Variants in PLXNA4 observed in about 807,000 individuals in gnomAD.
PLXNA4 encodes the protein plexin-A4.
In PLXNA4, 44 loss-of-function variants were observed where a neutral mutation model predicts 191.8. That is an observed-to-expected ratio of 0.23 (90% CI 0.18 to 0.29). The LOEUF is 0.29. Ranked by LOEUF, PLXNA4 falls within the 10% of genes least tolerant of loss-of-function variation. The pLI, the probability that PLXNA4 is intolerant of heterozygous loss-of-function variation, is 1.00. For missense variants in PLXNA4, 1,800 were observed against 2,488.8 expected (o/e 0.72, Z 5.89); for synonymous variants, 1,082 against 1,009.5 (o/e 1.07, Z -1.36).
intron 9 of PLXNA4, among the ~76,000 whole-genome samples, chr7:132,217,957 G>A (rs969816791): frequency 7.1e-6 from 1 of 141,680 alleles, no homozygotes; most frequent in African/African-American, 2.7e-5. Context: ...TGGCAGGGGT[G>A]GTTTGGTTCC....
At chr7:132,413,831 T>C (rs531701484) in intron 3 of PLXNA4, among the ~76,000 whole-genome samples, 1 of 152,140 alleles carries the variant, frequency 6.6e-6, no homozygotes, top group Non-Finnish European at 1.5e-5. Flanking sequence ...ATGACCACTA[T>C]ACACTCCTCA....
intron 12 of PLXNA4, among the ~76,000 whole-genome samples, chr7:132,201,360 C>T (rs1187059193): frequency 6.6e-6 from 1 of 152,142 alleles, no homozygotes; most frequent in East Asian, 1.9e-4. Flanking sequence ...GTTGTTTGGA[C>T]TGACAAGGTA....
rs79888730 is a variant in PLXNA4, at chr7:132,520,975, C to G, written c.-86-12196G>C. Among the ~76,000 whole-genome samples, 1,107 of 152,174 alleles carry G rather than the reference C, an allele frequency of 7.3e-3. 5 individuals carry two copies. The highest frequency in any genetic ancestry group is 0.041 in the Middle Eastern group (12 of 294). On this transcript the variant is annotated intron_variant, in intron 1 of 31. Coordinates refer to ENST00000321063, the MANE Select transcript of PLXNA4 (RefSeq NM_020911.2). The stretch of plus-strand genomic sequence containing the variant: ...CCAGGCCCCTTTTGTCCCTCTACCC[C>G]CTCTCTTCTTTCTCAATTCCCCGAA...
chr7:132,195,310 G>A (rs940686970), intron 13 of PLXNA4, among the ~76,000 whole-genome samples: 7 of 151,986 alleles, frequency 4.6e-5, no homozygotes, highest in African/African-American at 1.5e-4. Flanking sequence ...CTTTTCAGCA[G>A]CCTCACAGTA....
intron 3 of PLXNA4, among the ~76,000 whole-genome samples, chr7:132,407,737 GC>G (rs1794282430): frequency 6.6e-6 from 1 of 152,226 alleles, no homozygotes; most frequent in South Asian, 2.1e-4. Context: ...TGGATGCAGG[GC>G]TTTGTTGAAT....
intron 1 of PLXNA4, among the ~76,000 whole-genome samples, chr7:132,557,655 T>C (rs555280681): frequency 4.3e-4 from 66 of 152,262 alleles, no homozygotes; most frequent in Middle Eastern, 6.8e-3. Context: ...AAAGATGTTA[T>C]CTGCAGCTCC....
At chr7:132,212,754 C>G (rs1797844124) in intron 9 of PLXNA4, among the ~76,000 whole-genome samples, 1 of 152,130 alleles carries the variant, frequency 6.6e-6, no homozygotes, top group Non-Finnish European at 1.5e-5. Context: ...GACCATGGTC[C>G]ACAGATGGAC....
chr7:132,194,966 T>C (rs1361702918), intron 13 of PLXNA4, among the ~76,000 whole-genome samples: 1 of 151,914 alleles, frequency 6.6e-6, no homozygotes, highest in Non-Finnish European at 1.5e-5. Flanking sequence ...TATATATGTA[T>C]ATGTATTCTT....
chr7:132,147,781 G>T, intron 27 of PLXNA4, 119 bp downstream of exon 27: 1 of 1,360,708 alleles, frequency 7.3e-7, no homozygotes, highest in Admixed American at 2.1e-5. Context: ...CCGATGGTCA[G>T]CCTGTCTGAT....
chr7:132,449,154 T>C (rs2114278), intron 3 of PLXNA4, among the ~76,000 whole-genome samples: 111,357 of 152,204 alleles, frequency 0.73, 44,990 homozygotes, highest in Non-Finnish European at 0.91. Flanking sequence ...GGCATACACA[T>C]GACCTTATAA....
chr7:132,394,995 C>T (rs991145753), intron 3 of PLXNA4, among the ~76,000 whole-genome samples: 2 of 152,256 alleles, frequency 1.3e-5, no homozygotes, highest in African/African-American at 4.8e-5. Context: ...TGTAGTCCTG[C>T]CTTTCCGGGG....
chr7:132,171,480 G>T (rs978152730), intron 21 of PLXNA4, among the ~76,000 whole-genome samples: 2 of 152,176 alleles, frequency 1.3e-5, no homozygotes, highest in Non-Finnish European at 2.9e-5. Flanking sequence ...AAGCCTTCCC[G>T]TGCAGGGCCT....
intron 1 of PLXNA4, among the ~76,000 whole-genome samples, chr7:132,527,350 G>A (rs1799438603): frequency 2.0e-5 from 3 of 151,984 alleles, no homozygotes. Context: ...CCTCTCAGGA[G>A]CTACTCTCCC....
chr7:132,385,403 T>A, intron 3 of PLXNA4: 2 of 1,383,060 alleles, frequency 1.4e-6, no homozygotes, highest in Non-Finnish European at 1.9e-6. Flanking sequence ...TGTATTACAG[T>A]TCTGAAATAC....
intron 3 of PLXNA4, among the ~76,000 whole-genome samples, chr7:132,449,403 T>C (rs536166000): frequency 3.9e-5 from 6 of 152,318 alleles, no homozygotes; most frequent in African/African-American, 1.4e-4. Flanking sequence ...TGCCACCATG[T>C]CCACATTCAG....
At chr7:132,237,424 C>T (rs952875109) in intron 5 of PLXNA4, among the ~76,000 whole-genome samples, 1 of 152,140 alleles carries the variant, frequency 6.6e-6, no homozygotes. Flanking sequence ...TGGGGGAAGA[C>T]AAGATTTTAC....
chr7:132,332,793 G>A (rs138839482), intron 3 of PLXNA4, among the ~76,000 whole-genome samples: 52 of 151,680 alleles, frequency 3.4e-4, no homozygotes, highest in African/African-American at 1.1e-3. Context: ...CCAGGAGTTG[G>A]AGGCTGCAGT....
intron 3 of PLXNA4, among the ~76,000 whole-genome samples, chr7:132,299,116 C>A (rs189931464): frequency 3.3e-5 from 5 of 152,204 alleles, no homozygotes; most frequent in Non-Finnish European, 7.3e-5. Flanking sequence ...ATGACCGCTG[C>A]GCAGTCAGTG....
chr7:132,263,874 C>A (rs548410126), intron 4 of PLXNA4, among the ~76,000 whole-genome samples: 40 of 152,298 alleles, frequency 2.6e-4, no homozygotes, highest in African/African-American at 8.9e-4. Context: ...AAGTACTAAA[C>A]AGATCCATGG....
Sources: gnomAD v4.1 joint callset for allele counts (sites outside exome capture counted in the v4.1 genomes callset) on GRCh38, gnomAD v4.1.1 for gene constraint, MANE v1.5 for transcripts, NCBI Gene and HGNC (gene_info 2026-07-23, HGNC 2026-07-21) for gene names.